Variants in ARHGEF37 observed in about 807,000 individuals in gnomAD.
ARHGEF37 encodes the protein Rho guanine nucleotide exchange factor (GEF) 37.
In ARHGEF37, 55 loss-of-function variants were observed where a neutral mutation model predicts 71.1. The observed-to-expected ratio is 0.77, with a 90% confidence interval of 0.62 to 0.97. ARHGEF37 has a LOEUF of 0.97. Ranked by LOEUF, ARHGEF37 falls within the 50% of genes least tolerant of loss-of-function variation. The pLI, the probability that ARHGEF37 is intolerant of heterozygous loss-of-function variation, is 0.00. For synonymous variants in ARHGEF37, 327 were observed against 350.6 expected (o/e 0.93, Z 0.75); for missense variants, 765 against 836.8 (o/e 0.91, Z 1.06).
intron 1 of ARHGEF37, among the ~76,000 whole-genome samples, chr5:149,554,651 T>G (rs1033927862): frequency 5.3e-5 from 8 of 151,942 alleles, no homozygotes; most frequent in Non-Finnish European, 8.8e-5. Flanking sequence ...AAAATTGTTT[T>G]TTTTTTTTTT....
At chr5:149,624,715 G>A (rs1295495325) in intron 10 of ARHGEF37, among the ~76,000 whole-genome samples, 2 of 152,214 alleles carry the variant, frequency 1.3e-5, no homozygotes, top group East Asian at 1.9e-4. Context: ...GTTGCAGTGA[G>A]CCAAGCAAAG....
chr5:149,622,138 T>C, intron 9 of ARHGEF37, 76 bp downstream of exon 9: 1 of 1,415,670 alleles, frequency 7.1e-7, no homozygotes, highest in South Asian at 1.4e-5. Flanking sequence ...CAGCTGTGTG[T>C]AGGGGCTAGG....
Position 149,558,721 on chromosome 5 carries a change from GTGTGTGTGTGTGTGTGTA to G in ARHGEF37, c.-12+6600_-12+6617del, listed in dbSNP as rs371745666. 1.8e-3 allele frequency among the ~76,000 whole-genome samples: 241 copies of G among 135,714 alleles called. 2 individuals are homozygous for G. The highest frequency in any genetic ancestry group is 2.6e-3 in the Non-Finnish European group (167 of 64,874). The allele number at this position is 135,714 out of a possible 152,430, so 89.0% of individuals were successfully genotyped here. A position where few individuals can be genotyped will look rare whatever the true frequency, so the allele number is the denominator to read the frequency against. The stretch of plus-strand genomic sequence containing the variant: ...TGTGTGTGTGTGTGTGTGTGTGTGT[GTGTGTGTGTGTGTGTGTA>G]TATATATTTTTATATGTATAAAATA... On this transcript the variant is annotated intron_variant, in intron 1 of 2. Transcript: ENST00000505810.
chr5:149,587,591 CCT>C (rs1374145786), intron 1 of ARHGEF37, among the ~76,000 whole-genome samples: 1 of 152,182 alleles, frequency 6.6e-6, no homozygotes, highest in African/African-American at 2.4e-5. Flanking sequence ...CTTCACCACA[CCT>C]CTCACAATCA....
At chr5:149,569,660 G>A (rs999160997) in intron 1 of ARHGEF37, among the ~76,000 whole-genome samples, 1 of 143,768 alleles carries the variant, frequency 7.0e-6, no homozygotes, top group African/African-American at 2.6e-5. Flanking sequence ...TCTGTCACCC[G>A]GGCTGGAGTG....
At chr5:149,580,843 C>T (rs140963767), upstream of ARHGEF37, among the ~76,000 whole-genome samples, 445 of 152,270 alleles carry the variant, frequency 2.9e-3, 3 homozygotes, top group African/African-American at 0.011. Flanking sequence ...TTGGTTGCCC[C>T]GATATGAAAC....
chr5:149,581,861 G>A (rs1403289099), intron 1 of ARHGEF37, among the ~76,000 whole-genome samples: 2 of 152,210 alleles, frequency 1.3e-5, no homozygotes, highest in African/African-American at 4.8e-5. Context: ...CTGAGGCCCA[G>A]GGAGGTTAGC....
At chr5:149,555,569 C>T (rs1762743479) in intron 1 of ARHGEF37, among the ~76,000 whole-genome samples, 1 of 151,794 alleles carries the variant, frequency 6.6e-6, no homozygotes, top group Non-Finnish European at 1.5e-5. Flanking sequence ...GACGCCTCAT[C>T]CTCCCAAAAC....
intron 3 of ARHGEF37, among the ~76,000 whole-genome samples, chr5:149,603,054 T>C (rs1002423332): frequency 6.6e-6 from 1 of 152,066 alleles, no homozygotes; most frequent in African/African-American, 2.4e-5. Flanking sequence ...TGCCTCAACC[T>C]CCTGAGTAGC....
intron 4 of ARHGEF37, among the ~76,000 whole-genome samples, chr5:149,615,305 ATT>A (rs71587785): frequency 4.2e-5 from 6 of 141,876 alleles, no homozygotes; most frequent in Non-Finnish European, 6.2e-5. Flanking sequence ...TGCCTAGTTA[ATT>A]TTTTTTTTTT....
chr5:149,561,375 C>G (rs1224221843), intron 1 of ARHGEF37, among the ~76,000 whole-genome samples: 3 of 151,770 alleles, frequency 2.0e-5, no homozygotes, highest in South Asian at 4.2e-4. Flanking sequence ...CTGTAAATCT[C>G]TTTTAGTCTG....
At chr5:149,585,720 T>C (rs559203253) in intron 1 of ARHGEF37, among the ~76,000 whole-genome samples, 7 of 152,334 alleles carry the variant, frequency 4.6e-5, no homozygotes, top group South Asian at 4.1e-4. Context: ...GATTTCATCA[T>C]GTTGGCCAGG....
intron 4 of ARHGEF37, among the ~76,000 whole-genome samples, chr5:149,614,602 C>T (rs1312963492): frequency 6.6e-6 from 1 of 152,124 alleles, no homozygotes; most frequent in Non-Finnish European, 1.5e-5. Flanking sequence ...TGGCTCTTTC[C>T]CATGGAAAGG....
At chr5:149,575,453 G>C (rs921022674) in intron 1 of ARHGEF37, among the ~76,000 whole-genome samples, 1 of 152,160 alleles carries the variant, frequency 6.6e-6, no homozygotes, top group African/African-American at 2.4e-5. Flanking sequence ...TCAGGGGACT[G>C]ACCCAGTGAT....
intron 2 of ARHGEF37, among the ~76,000 whole-genome samples, chr5:149,599,362 T>G (rs998692417): frequency 4.6e-5 from 7 of 151,938 alleles, no homozygotes; most frequent in African/African-American, 9.7e-5. Flanking sequence ...CCACAGCCCC[T>G]GCAGGCCCTC....
chr5:149,621,898 G>A lies in ARHGEF37; in HGVS notation c.1171G>A (p.Ala391Thr), dbSNP rs149683598. 6.2e-5 allele frequency: 100 copies of A among 1,614,228 alleles called. No homozygotes were observed. The African/African-American group carries it at 9.7e-4, about 16-fold the overall frequency. The part of the protein sequence containing the change: ...VGSVTYQEEA[A>T]RHTYQALNSL... Reference sequence around the variant, plus strand: ...CAGTGTGACCTACCAGGAGGAGGCCGCCCGGCACACATACCAGGCACTCAA... The same window carrying A: ...CAGTGTGACCTACCAGGAGGAGGCCACCCGGCACACATACCAGGCACTCAA... The change falls in exon 9 of 13, where the codon GCC (alanine) becomes ACC (threonine). Residue 391 changes from alanine to threonine, a missense_variant. This residue lies in a region of ARHGEF37 where 390 missense variants were observed against 407.4 expected (regional missense o/e 0.96). Coordinates refer to ENST00000333677, the MANE Select transcript of ARHGEF37 (RefSeq NM_001001669.3).
intron 10 of ARHGEF37, among the ~76,000 whole-genome samples, 159 bp downstream of exon 10, chr5:149,624,299 G>T (rs115256047): frequency 6.6e-6 from 1 of 152,076 alleles, no homozygotes. Context: ...TTTGAGCTGG[G>T]GTGGGGGGAC....
chr5:149,562,891 A>T (rs1025533808), intron 1 of ARHGEF37, among the ~76,000 whole-genome samples: 2 of 152,130 alleles, frequency 1.3e-5, no homozygotes, highest in Non-Finnish European at 2.9e-5. Flanking sequence ...AGCAGAGATT[A>T]CCTAAGTAGG....
chr5:149,584,240 T>C (rs918867162), intron 1 of ARHGEF37, among the ~76,000 whole-genome samples: 1 of 152,198 alleles, frequency 6.6e-6, no homozygotes, highest in African/African-American at 2.4e-5. Flanking sequence ...GAAGACCTTT[T>C]TAGGCCTTCC....
Sources: gnomAD v4.1 joint callset for allele counts (sites outside exome capture counted in the v4.1 genomes callset) on GRCh38, gnomAD v4.1.1 for gene constraint, gnomAD v4.1.1 regional missense constraint, MANE v1.5 for transcripts, NCBI Gene and HGNC (gene_info 2026-07-23, HGNC 2026-07-21) for gene names.